Variants in CDKAL1 observed in about 807,000 individuals in gnomAD.
The protein encoded by CDKAL1 is threonylcarbamoyladenosine tRNA methylthiotransferase.
Under a neutral mutation model 68.2 loss-of-function variants are expected in CDKAL1, and 32 were observed. That is an observed-to-expected ratio of 0.47 (90% CI 0.35 to 0.63). The LOEUF is 0.63. Ranked by LOEUF, CDKAL1 falls within the 30% of genes least tolerant of loss-of-function variation. CDKAL1 has a pLI of 0.00. For synonymous variants in CDKAL1, 234 were observed against 244.3 expected, an observed-to-expected ratio of 0.96 and a Z score of 0.39; for missense variants, 606 against 696.7, an observed-to-expected ratio of 0.87 and a Z score of 1.47.
chr6:20,933,468 A>G (rs1016772406), intron 9 of CDKAL1, among the ~76,000 whole-genome samples: 1 of 152,282 alleles, frequency 6.6e-6, no homozygotes, highest in Non-Finnish European at 1.5e-5. Context: ...TGCCTCTGCA[A>G]CTGCAACTTT....
At chr6:20,898,522 A>T (rs762419799) in intron 9 of CDKAL1, among the ~76,000 whole-genome samples, 2 of 150,816 alleles carry the variant, frequency 1.3e-5, no homozygotes, top group Non-Finnish European at 1.5e-5. Context: ...GCTCGTTTTT[A>T]TAAGGGGTAT....
At chr6:21,080,598 A>G (rs923369933) in intron 12 of CDKAL1, among the ~76,000 whole-genome samples, 22 of 152,174 alleles carry the variant, frequency 1.4e-4, no homozygotes, top group Non-Finnish European at 2.9e-4. Context: ...CCTCTGTACT[A>G]TCACTGTTCC....
chr6:20,851,356 G>A (rs921249000), intron 9 of CDKAL1, among the ~76,000 whole-genome samples: 2 of 152,130 alleles, frequency 1.3e-5, no homozygotes, highest in Non-Finnish European at 2.9e-5. Flanking sequence ...TGTTTTCTAG[G>A]ATATTTGTAT....
intron 10 of CDKAL1, among the ~76,000 whole-genome samples, chr6:20,969,452 G>A (rs1034186242): frequency 2.0e-5 from 3 of 152,164 alleles, no homozygotes; most frequent in Non-Finnish European, 4.4e-5. Flanking sequence ...AGGAGCTGTT[G>A]ATTTTGCAGT....
intron 4 of CDKAL1, among the ~76,000 whole-genome samples, chr6:20,642,370 C>G (rs1768217558): frequency 6.6e-6 from 1 of 151,070 alleles, no homozygotes; most frequent in African/African-American, 2.4e-5. Flanking sequence ...GGGTTGATAT[C>G]CTATGTGGCG....
At chr6:21,140,974 A>T (rs575247034) in intron 13 of CDKAL1, among the ~76,000 whole-genome samples, 1 of 152,238 alleles carries the variant, frequency 6.6e-6, no homozygotes, top group East Asian at 1.9e-4. Context: ...AACCCATCAG[A>T]TCTCATGAGA....
chr6:20,701,513 G>T (rs115964539), intron 5 of CDKAL1, among the ~76,000 whole-genome samples: 2 of 152,134 alleles, frequency 1.3e-5, no homozygotes, highest in Non-Finnish European at 2.9e-5. Context: ...CCCTCGAGTA[G>T]AGGATATGTG....
At chr6:21,098,665 C>T (rs934609512) in intron 12 of CDKAL1, among the ~76,000 whole-genome samples, 3 of 151,176 alleles carry the variant, frequency 2.0e-5, no homozygotes, top group African/African-American at 7.3e-5. Context: ...GTTGACTCAC[C>T]ATGAAAGTGG....
intron 15 of CDKAL1, among the ~76,000 whole-genome samples, chr6:21,230,251 T>G (rs1246653404): frequency 6.6e-6 from 1 of 152,200 alleles, no homozygotes; most frequent in African/African-American, 2.4e-5. Flanking sequence ...AGCCTTCACC[T>G]TCCAGGTTCC....
chr6:21,063,436 A>G (rs1771252108), intron 11 of CDKAL1, among the ~76,000 whole-genome samples: 1 of 152,250 alleles, frequency 6.6e-6, no homozygotes, highest in Non-Finnish European at 1.5e-5. Flanking sequence ...TGGGCCTATC[A>G]AAAACAAAGG....
chr6:21,099,086 A>G (rs1031491393), intron 12 of CDKAL1, among the ~76,000 whole-genome samples: 9 of 151,970 alleles, frequency 5.9e-5, no homozygotes, highest in African/African-American at 2.2e-4. Context: ...TAAAACCCCA[A>G]CTCCTGGGCT....
intron 5 of CDKAL1, among the ~76,000 whole-genome samples, chr6:20,673,790 C>G (rs1769961175): frequency 2.0e-5 from 3 of 152,188 alleles, no homozygotes; most frequent in Admixed American, 1.3e-4. Flanking sequence ...ACTTACTCCT[C>G]CTTACCGTCC....
At chr6:20,796,900 TA>T (rs1776131786) in intron 8 of CDKAL1, among the ~76,000 whole-genome samples, 1 of 151,954 alleles carries the variant, frequency 6.6e-6, no homozygotes, top group East Asian at 1.9e-4. Context: ...TTCATGAAAA[TA>T]AAAAATAAGA....
At chr6:21,130,992 G>A (rs901960141) in intron 13 of CDKAL1, among the ~76,000 whole-genome samples, 1 of 152,164 alleles carries the variant, frequency 6.6e-6, no homozygotes, top group Non-Finnish European at 1.5e-5. Flanking sequence ...TCCCAGGATG[G>A]GATTAAAAGG....
chr6:20,606,175 G>A (rs1332798138), intron 4 of CDKAL1, among the ~76,000 whole-genome samples: 1 of 152,152 alleles, frequency 6.6e-6, no homozygotes, highest in Non-Finnish European at 1.5e-5. Context: ...GTCGTTTCAT[G>A]TGGAAGCTTT....
At chr6:20,802,172 C>T (rs915490185) in intron 8 of CDKAL1, among the ~76,000 whole-genome samples, 1 of 151,846 alleles carries the variant, frequency 6.6e-6, no homozygotes, top group Non-Finnish European at 1.5e-5. Context: ...TTGGTGCACG[C>T]CTGTAGTCCC....
At chr6:20,980,546 G>T (rs545484606) in intron 10 of CDKAL1, among the ~76,000 whole-genome samples, 1 of 152,228 alleles carries the variant, frequency 6.6e-6, no homozygotes, top group East Asian at 1.9e-4. Context: ...ATATTTTTAA[G>T]AGAAACATTT....
chr6:20,850,685 A>G (rs1758958809), intron 9 of CDKAL1, among the ~76,000 whole-genome samples: 1 of 152,028 alleles, frequency 6.6e-6, no homozygotes, highest in South Asian at 2.1e-4. Flanking sequence ...TGATCTGCCC[A>G]CCTTTGCCTC....
intron 13 of CDKAL1, among the ~76,000 whole-genome samples, chr6:21,160,656 CGTGT>C (rs1554189725): frequency 6.2e-4 from 80 of 128,002 alleles, no homozygotes; most frequent in Non-Finnish European, 1.2e-3. Context: ...CACACACACA[CGTGT>C]GTGTGTGTGT....
Sources: gnomAD v4.1 joint callset for allele counts (sites outside exome capture counted in the v4.1 genomes callset) on GRCh38, gnomAD v4.1.1 for gene constraint, MANE v1.5 for transcripts, NCBI Gene and HGNC (gene_info 2026-07-23, HGNC 2026-07-21) for gene names.